Variants in TMEM44 observed in about 807,000 individuals in gnomAD.
TMEM44 encodes transmembrane protein 44.
Under a neutral mutation model 47.8 loss-of-function variants are expected in TMEM44, and 43 were observed. That is an observed-to-expected ratio of 0.90 (90% CI 0.70 to 1.16). The LOEUF (loss-of-function observed/expected upper bound fraction) is 1.16. Ranked by LOEUF, TMEM44 falls within the 50% of genes most tolerant of loss-of-function variation. The probability of loss-of-function intolerance (pLI) is 0.00; values close to 1 mark genes in which losing one functional copy is unlikely to be tolerated. For missense variants in TMEM44, 568 were observed against 555.2 expected (o/e 1.02, Z -0.23); for synonymous variants, 277 against 238.8 (o/e 1.16, Z -1.48).
rs550238156 is a variant in TMEM44 at position 194,610,818 on chromosome 3, C to T, written c.1017+98G>A. 35 of 1,054,470 alleles carry T rather than the reference C, an allele frequency of 3.3e-5. No homozygotes were observed. In the African/African-American group the frequency reaches 3.8e-4, roughly 11 times the overall value. The allele number at this position is 1,054,470 out of a possible 1,614,324, so 65.3% of individuals were successfully genotyped here. A position where few individuals can be genotyped will look rare whatever the true frequency, so the allele number is the denominator to read the frequency against. On this transcript the variant is annotated intron_variant, in intron 8 of 9. Transcript: ENST00000347147. ...TTTTACCTGCTTCTCTTGTTTTCTC[C>T]TGCTCATCCCTCAGCTAAAGCATCA...
At chr3:194,612,146 G>A (rs917444763) in intron 7 of TMEM44, among the ~76,000 whole-genome samples, 2 of 152,144 alleles carry the variant, frequency 1.3e-5, no homozygotes, top group Non-Finnish European at 2.9e-5. Flanking sequence ...CAGTTTCCCA[G>A]GTAATCCTGG....
At chr3:194,619,472 C>G (rs886163343) in intron 5 of TMEM44, among the ~76,000 whole-genome samples, 12 of 152,214 alleles carry the variant, frequency 7.9e-5, no homozygotes, top group African/African-American at 2.7e-4. Context: ...GGAGGCAGGA[C>G]AGGCCTCGGA....
At position 194,633,346 on chromosome 3, in the gene TMEM44, C is replaced by G. The variant is rs948525463; in HGVS notation, c.-131G>C. 44 of 332,638 alleles carry G rather than the reference C, an allele frequency of 1.3e-4. No individual in the cohort carries two copies. The highest frequency in any genetic ancestry group is 1.9e-4 in the Non-Finnish European group (44 of 231,390). 20.6% of individuals were successfully genotyped at this position (332,638 alleles called of 1,614,324 possible). On this transcript the variant is annotated 5_prime_UTR_variant, in exon 1 of 10. Coordinates refer to ENST00000347147, the MANE Select transcript of TMEM44 (RefSeq NM_001011655.3). ...TTCCGCCGCGGCGCCTCCGGCCGAG[C>G]GCACCGACCGCGGGCAGAGAAGGGC...
intron 9 of TMEM44, among the ~76,000 whole-genome samples, chr3:194,591,855 C>A (rs1712770115): frequency 6.6e-6 from 1 of 152,034 alleles, no homozygotes; most frequent in Non-Finnish European, 1.5e-5. Context: ...GATCCGCCCC[C>A]CTCAGCCTTC....
intron 1 of TMEM44, 54 bp from the exon 2 acceptor site, chr3:194,628,563 C>T (rs1185861960): frequency 3.3e-6 from 5 of 1,535,026 alleles, no homozygotes; most frequent in East Asian, 2.4e-5. Flanking sequence ...TGGACCCAAA[C>T]GCATGTATCT....
At chr3:194,594,165 ATATC>A (rs1553824476) in intron 9 of TMEM44, among the ~76,000 whole-genome samples, 5 of 76,544 alleles carry the variant, frequency 6.5e-5, no homozygotes, top group Admixed American at 2.9e-4. Context: ...CTATCTATCT[ATATC>A]TATCTATCTG....
rs148014105 is a variant in TMEM44, at chr3:194,617,122, C to T, written c.760G>A (p.Gly254Ser). 5.3e-5 allele frequency: 83 copies of T among 1,554,936 alleles called. No individual in the cohort carries two copies. The African/African-American group carries it at 7.3e-4, about 14-fold the overall frequency. ...RATPWFLTSL[G>S]RAALDLAIIF... is the part of the protein sequence containing the mutation. ...ACAGCGAGGTCCAGTGCCGCACGGC[C>T]GAGGGAGGTCAGGAACCAGGGTGTG... Residue 254 changes from glycine (G) to serine (S), a missense_variant, in exon 6 of 10, where the codon GGC becomes AGC. Transcript: ENST00000347147.
chr3:194,628,632 GA>G, intron 1 of TMEM44, 123 bp from the exon 2 acceptor site: 1 of 1,246,206 alleles, frequency 8.0e-7, no homozygotes, highest in Non-Finnish European at 1.1e-6. Flanking sequence ...AGGTATTTAG[GA>G]CGTGTTTTTG....
At chr3:194,604,587 GCCATCCA>G in intron 8 of TMEM44, 142 bp from the exon 9 acceptor site, 1 of 1,079,012 alleles carries the variant, frequency 9.3e-7, no homozygotes, top group Non-Finnish European at 1.3e-6. Context: ...TCCTGCCCTG[GCCATCCA>G]GCTCTCCCCA....
intron 5 of TMEM44, among the ~76,000 whole-genome samples, chr3:194,620,699 G>A (rs1351735106): frequency 6.6e-6 from 1 of 152,126 alleles, no homozygotes; most frequent in Non-Finnish European, 1.5e-5. Context: ...GTGGGGTGGT[G>A]TTATGAGTTG....
chr3:194,629,104 C>T (rs1254724842), intron 1 of TMEM44, among the ~76,000 whole-genome samples: 2 of 151,196 alleles, frequency 1.3e-5, no homozygotes, highest in Non-Finnish European at 2.9e-5. Context: ...GCAGAGGTTG[C>T]AGTGAGCCAA....
intron 2 of TMEM44, among the ~76,000 whole-genome samples, chr3:194,628,141 T>G (rs535046557): frequency 1.3e-5 from 2 of 152,280 alleles, no homozygotes; most frequent in Admixed American, 6.5e-5. Flanking sequence ...GAGCCACTGC[T>G]CCTGGCCGTG....
intron 1 of TMEM44, among the ~76,000 whole-genome samples, chr3:194,632,538 C>T (rs1156374157): frequency 6.6e-6 from 1 of 152,200 alleles, no homozygotes; most frequent in Non-Finnish European, 1.5e-5. Context: ...GACAGGCCAG[C>T]TGGATCATAT....
chr3:194,612,142 C>A lies in TMEM44; in HGVS notation c.913-1122G>T, dbSNP rs531226413. 2.6e-5 allele frequency among the ~76,000 whole-genome samples: 4 copies of A among 152,264 alleles called. No homozygotes were observed. In the East Asian group the frequency reaches 7.7e-4, roughly 29 times the overall value. On this transcript the variant is annotated intron_variant, in intron 7 of 9. Coordinates refer to ENST00000347147, the MANE Select transcript of TMEM44 (RefSeq NM_001011655.3). ...CCCAAATCTGCATTTCTCACAGTTT[C>A]CCAGGTAATCCTGGTCTAGGGCCCA...
chr3:194,592,936 A>T, intron 9 of TMEM44: 1 of 1,364,044 alleles, frequency 7.3e-7, no homozygotes. Flanking sequence ...TTACTGAAGG[A>T]ATTTGTCATG....
chr3:194,600,240 T>C (rs568714509), intron 9 of TMEM44, among the ~76,000 whole-genome samples: 1 of 152,124 alleles, frequency 6.6e-6, no homozygotes, highest in African/African-American at 2.4e-5. Flanking sequence ...TATGGGCTTG[T>C]ACCACTACGC....
intron 3 of TMEM44, among the ~76,000 whole-genome samples, chr3:194,625,122 C>T (rs1181040900): frequency 1.3e-5 from 2 of 152,226 alleles, no homozygotes; most frequent in Non-Finnish European, 2.9e-5. Context: ...CAGTCATTTC[C>T]GACCCCTGCT....
chr3:194,588,719 A>C, intron 9 of TMEM44, 80 bp from the exon 10 acceptor site: 1 of 1,358,140 alleles, frequency 7.4e-7, no homozygotes, highest in Non-Finnish European at 1.0e-6. Flanking sequence ...ACCCAAACAA[A>C]AGCTCCAATC....
At chr3:194,609,979 A>G (rs1490154006) in intron 8 of TMEM44, among the ~76,000 whole-genome samples, 3 of 152,164 alleles carry the variant, frequency 2.0e-5, no homozygotes, top group African/African-American at 4.8e-5. Flanking sequence ...CTGTAGTCCC[A>G]GCACTTTGGG....
Sources: allele counts gnomAD v4.1 joint callset (sites outside exome capture counted in the v4.1 genomes callset), GRCh38; gene constraint gnomAD v4.1.1; transcripts MANE v1.5; gene names NCBI Gene and HGNC (gene_info 2026-07-23, HGNC 2026-07-21).